The following CHSY3 variants were observed in gnomAD, a reference collection of about 807,000 sequenced individuals.
CHSY3 encodes chondroitin sulfate synthase 3.
Under a neutral mutation model 67.2 loss-of-function variants are expected in CHSY3, and 35 were observed. That is an observed-to-expected ratio of 0.52 (90% CI 0.40 to 0.69). CHSY3 has a LOEUF of 0.69. CHSY3 is among the 30% of genes least tolerant of loss of function. CHSY3 has a pLI of 0.00. For missense variants in CHSY3, 1,069 were observed against 1,138.5 expected (o/e 0.94, Z 0.88); for synonymous variants, 474 against 434.7 (o/e 1.09, Z -1.12).
intron 2 of CHSY3, among the ~76,000 whole-genome samples, chr5:130,008,302 A>C (rs1297008610): frequency 6.6e-6 from 1 of 152,180 alleles, no homozygotes; most frequent in African/African-American, 2.4e-5. Flanking sequence ...GTCAGAGAAC[A>C]AAGCCATGGG....
chr5:130,184,041 T>G (rs979290445), intron 2 of CHSY3, among the ~76,000 whole-genome samples, 188 bp from the exon 3 acceptor site: 1 of 151,914 alleles, frequency 6.6e-6, no homozygotes, highest in East Asian at 1.9e-4. Flanking sequence ...TGGAATTTCA[T>G]CTACCAATTA....
chr5:130,168,640 T>C (rs1213651565), intron 2 of CHSY3, among the ~76,000 whole-genome samples: 2 of 152,102 alleles, frequency 1.3e-5, no homozygotes, highest in Admixed American at 1.3e-4. Context: ...TTCCAGTAAA[T>C]ATTTTGCTCT....
rs77314407 is a variant in CHSY3 at position 130,140,617 on chromosome 5, G to T, written c.1087-43612G>T. 1,725 of 420,584 alleles carry T rather than the reference G, an allele frequency of 4.1e-3. 31 individuals carry two copies. Among genetic ancestry groups the T allele is most frequent in the African/African-American group, 0.033 (1,592 of 47,682 alleles). The allele number at this position is 420,584 out of a possible 1,614,324, so 26.1% of individuals were successfully genotyped here. On this transcript the variant is annotated intron_variant, in intron 2 of 2. Transcript: ENST00000305031. ...AAAGAAACATGCTGATCTTTGACCT[G>T]GGAGATGGCACTTTTGATGTGTCAA...
At chr5:129,999,793 A>G (rs1763665632) in intron 2 of CHSY3, among the ~76,000 whole-genome samples, 1 of 152,138 alleles carries the variant, frequency 6.6e-6, no homozygotes, top group South Asian at 2.1e-4. Flanking sequence ...CCATATATCT[A>G]CATAATATTT....
intron 2 of CHSY3, among the ~76,000 whole-genome samples, chr5:129,999,124 C>CCTTT (rs1763640906): frequency 7.1e-6 from 1 of 141,724 alleles, no homozygotes; most frequent in African/African-American, 2.6e-5. Context: ...TCCCCCCTCC[C>CCTTT]TTTTTTTTTT....
At chr5:129,929,734 T>C (rs1182296525) in intron 2 of CHSY3, among the ~76,000 whole-genome samples, 1 of 152,232 alleles carries the variant, frequency 6.6e-6, no homozygotes, top group African/African-American at 2.4e-5. Flanking sequence ...TAATAATTTT[T>C]AATTTCTAGG....
At chr5:130,018,094 A>T (rs2149651406) in intron 2 of CHSY3, among the ~76,000 whole-genome samples, 1 of 152,310 alleles carries the variant, frequency 6.6e-6, no homozygotes, top group East Asian at 1.9e-4. Context: ...TTTAACAGAC[A>T]AATTGCTCCT....
At chr5:129,974,714 G>T (rs1169720600) in intron 2 of CHSY3, among the ~76,000 whole-genome samples, 2 of 152,120 alleles carry the variant, frequency 1.3e-5, no homozygotes, top group Non-Finnish European at 2.9e-5. Flanking sequence ...GAATGTCAAG[G>T]TGGGCAGCAC....
chr5:129,905,253 G>A lies in CHSY3; in HGVS notation c.424G>A (p.Ala142Thr). Residue 142 changes from alanine to threonine, a missense_variant, in exon 1 of 3, where the codon GCT becomes ACT. Coordinates refer to ENST00000305031, the MANE Select transcript of CHSY3 (RefSeq NM_175856.5). Reference protein sequence around the residue: ...GEPEEEDGGAAGQRRDGRPGS... With the variant: ...GEPEEEDGGATGQRRDGRPGS... ...GCCCGAGGAGGAGGACGGGGGCGCG[G>A]CTGGGCAGCGGAGAGACGGCCGGCC... 6.9e-7 allele frequency: 1 copy of A among 1,457,416 alleles called. No individual in the cohort carries two copies. The highest frequency in any genetic ancestry group is 9.0e-7 in the Non-Finnish European group (1 of 1,107,538). 90.3% of individuals were successfully genotyped at this position (1,457,416 alleles called of 1,614,324 possible).
At chr5:129,905,821 C>A in intron 1 of CHSY3, 190 bp downstream of exon 1, 6 of 1,245,016 alleles carry the variant, frequency 4.8e-6, no homozygotes, top group Non-Finnish European at 6.4e-6. Context: ...TCGTCTTCTG[C>A]AATCTGGACC....
chr5:130,152,650 C>T (rs747275514), intron 2 of CHSY3, among the ~76,000 whole-genome samples: 5 of 152,148 alleles, frequency 3.3e-5, no homozygotes, highest in Non-Finnish European at 5.9e-5. Flanking sequence ...ACTATACATA[C>T]AGCAATAGAC....
chr5:130,184,941 C>A lies in CHSY3; in HGVS notation c.1799C>A (p.Ser600Tyr), dbSNP rs1179067967. Reference protein sequence around the residue: ...ETQSFSFISNSLKILSSFQGA... With the variant: ...ETQSFSFISNYLKILSSFQGA... ...CAGTCATTCTCCTTTATATCTAATTCTTTAAAGATATTATCTTCTTTTCAA... is the reference window on the plus strand; with the variant it reads ...CAGTCATTCTCCTTTATATCTAATTATTTAAAGATATTATCTTCTTTTCAA... The change falls in exon 3 of 3, where the codon TCT becomes TAT. Residue 600 changes from serine to tyrosine, a missense_variant. Around this residue, in one of 5 missense-constraint regions of CHSY3, gnomAD observed 401 missense variants for 395.2 expected, o/e 1.01. Coordinates refer to ENST00000305031, the MANE Select transcript of CHSY3 (RefSeq NM_175856.5). 5 of 1,558,032 alleles carry A rather than the reference C, an allele frequency of 3.2e-6. No homozygotes were observed. Among genetic ancestry groups the A allele is most frequent in the East Asian group, 4.5e-5 (2 of 44,562 alleles).
At chr5:130,029,751 T>A (rs1267959403) in intron 2 of CHSY3, among the ~76,000 whole-genome samples, 3 of 152,100 alleles carry the variant, frequency 2.0e-5, no homozygotes, top group Non-Finnish European at 4.4e-5. Context: ...ACATAATCTC[T>A]TGGTAACATA....
chr5:130,090,257 T>G (rs1242063747), intron 2 of CHSY3, among the ~76,000 whole-genome samples: 1 of 152,146 alleles, frequency 6.6e-6, no homozygotes, highest in Non-Finnish European at 1.5e-5. Context: ...TAGGATGGTG[T>G]TAGTGCCTTC....
At chr5:130,181,306 T>G (rs2051803) in intron 2 of CHSY3, among the ~76,000 whole-genome samples, 2 of 152,226 alleles carry the variant, frequency 1.3e-5, no homozygotes, top group Non-Finnish European at 1.5e-5. Flanking sequence ...TTTACACATA[T>G]TTTTCTTAGA....
intron 2 of CHSY3, among the ~76,000 whole-genome samples, chr5:130,032,444 T>C (rs763752950): frequency 1.1e-4 from 17 of 152,154 alleles, no homozygotes; most frequent in Admixed American, 5.2e-4. Context: ...AGATTTTGCC[T>C]AGGCTTTCCT....
At chr5:130,052,601 G>T (rs111704663) in intron 2 of CHSY3, among the ~76,000 whole-genome samples, 2,422 of 152,108 alleles carry the variant, frequency 0.016, 53 homozygotes, top group African/African-American at 0.054. Context: ...AAATAAGGGG[G>T]AATTTTATTC....
At chr5:130,102,925 C>T (rs930835246) in intron 2 of CHSY3, among the ~76,000 whole-genome samples, 7 of 151,944 alleles carry the variant, frequency 4.6e-5, no homozygotes, top group Non-Finnish European at 7.4e-5. Flanking sequence ...TACAGTGTTT[C>T]ACTTGAGAAT....
intron 2 of CHSY3, among the ~76,000 whole-genome samples, chr5:130,091,740 G>A (rs1199071117): frequency 2.6e-5 from 4 of 152,124 alleles, no homozygotes; most frequent in Admixed American, 2.6e-4. Flanking sequence ...TATTTAGATA[G>A]GGGGAAATGG....
Sources: gnomAD v4.1 joint callset for allele counts (sites outside exome capture counted in the v4.1 genomes callset) on GRCh38, gnomAD v4.1.1 for gene constraint, gnomAD v4.1.1 regional missense constraint, MANE v1.5 for transcripts, NCBI Gene and HGNC (gene_info 2026-07-23, HGNC 2026-07-21) for gene names.